The following ZNF831 variants were observed in gnomAD, a reference collection of about 807,000 sequenced individuals.
ZNF831 encodes zinc finger protein 831.
A neutral mutation model predicts 95.8 loss-of-function variants in ZNF831; 59 were observed. The ratio of observed to expected loss-of-function variants is 0.62; its 90% CI spans 0.50 to 0.77. The LOEUF (loss-of-function observed/expected upper bound fraction) is 0.77, where lower values mean the gene tolerates loss of function less well. Ranked by LOEUF, ZNF831 falls within the 30% of genes least tolerant of loss-of-function variation. ZNF831 has a pLI of 0.00. For synonymous variants in ZNF831, 961 were observed against 925.5 expected, an observed-to-expected ratio of 1.04 and a Z score of -0.70; for missense variants, 2,205 against 2,164.0, an observed-to-expected ratio of 1.02 and a Z score of -0.38.
intron 4 of ZNF831, among the ~76,000 whole-genome samples, chr20:59,228,243 C>T (rs1166644442): frequency 2.6e-5 from 4 of 152,070 alleles, no homozygotes; most frequent in Non-Finnish European, 4.4e-5. Context: ...CTCTGAGTCA[C>T]CTAGGTATTG....
chr20:59,136,228 C>A (rs906897194), intron 1 of ZNF831, among the ~76,000 whole-genome samples: 80 of 152,180 alleles, frequency 5.3e-4, no homozygotes, highest in African/African-American at 1.9e-3. Flanking sequence ...TCCCCTCCTG[C>A]CTCATCTCCT....
rs1331120497 is a variant in ZNF831, at chr20:59,257,740, C to A, written c.*2997C>A. ...TTTCCCAGTGTTAATTTTATTATAT[C>A]TTTAGGTAAGGGTCTTAACCAACTG... On this transcript the variant is annotated 3_prime_UTR_variant, in exon 6 of 6. Transcript: ENST00000371030. The A allele has an allele frequency of 6.6e-6, 1 of 152,150 alleles. No homozygotes were observed. Among genetic ancestry groups the A allele is most frequent in the Non-Finnish European group, 1.5e-5 (1 of 68,032 alleles). 9.4% of individuals were successfully genotyped at this position (152,150 alleles called of 1,614,324 possible).
chr20:59,156,743 T>C (rs1319497503), intron 2 of ZNF831, among the ~76,000 whole-genome samples: 6 of 152,156 alleles, frequency 3.9e-5, no homozygotes, highest in Admixed American at 6.5e-5. Flanking sequence ...AGATTCCACA[T>C]AGAAGTGACA....
Position 59,191,727 on chromosome 20 carries a change from G to T in ZNF831, c.708G>T (p.Gly236=). The part of the protein sequence containing the change: ...PEGRGESRCQ[G]MHEGASERPL... ...GCAGGGGCGAGAGCAGGTGCCAGGGGATGCACGAAGGCGCCTCGGAGAGAC... is the reference window on the plus strand; with the variant it reads ...GCAGGGGCGAGAGCAGGTGCCAGGGTATGCACGAAGGCGCCTCGGAGAGAC... Residue 236 remains glycine (G), a synonymous_variant, in exon 2 of 6, where the codon GGG becomes GGT. Transcript: ENST00000371030. 3 of 1,584,774 alleles carry T rather than the reference G, an allele frequency of 1.9e-6. No individual in the cohort carries two copies. Among genetic ancestry groups the T allele is most frequent in the Non-Finnish European group, 2.6e-6 (3 of 1,164,428 alleles).
At chr20:59,163,731 T>C (rs1981030282), upstream of ZNF831, among the ~76,000 whole-genome samples, 1 of 150,708 alleles carries the variant, frequency 6.6e-6, no homozygotes. Context: ...TTTTTTTTCG[T>C]GTCTGCTTCT....
At chr20:59,210,912 A>C (rs1297335479) in intron 4 of ZNF831, among the ~76,000 whole-genome samples, 1 of 80,024 alleles carries the variant, frequency 1.2e-5, no homozygotes, top group Non-Finnish European at 2.3e-5. Flanking sequence ...GGGCGCCTGT[A>C]GTCCCAGCTA....
chr20:59,150,268 C>T (rs983633024), intron 2 of ZNF831, among the ~76,000 whole-genome samples: 1 of 152,164 alleles, frequency 6.6e-6, no homozygotes, highest in Non-Finnish European at 1.5e-5. Flanking sequence ...GGAAGCTGCA[C>T]ATTTAGGAAA....
chr20:59,145,755 C>T (rs1251710834), intron 1 of ZNF831, among the ~76,000 whole-genome samples: 3 of 152,180 alleles, frequency 2.0e-5, no homozygotes, highest in Admixed American at 1.3e-4. Context: ...ACTGGACATT[C>T]CCAAAGCTGG....
chr20:59,127,751 T>G (rs771033236), intron 1 of ZNF831, among the ~76,000 whole-genome samples: 6 of 152,236 alleles, frequency 3.9e-5, no homozygotes, highest in Non-Finnish European at 8.8e-5. Context: ...GTTGTTTTGG[T>G]TCCTGTAGCA....
intron 3 of ZNF831, among the ~76,000 whole-genome samples, chr20:59,204,404 C>G (rs1984736162): frequency 6.6e-6 from 1 of 152,208 alleles, no homozygotes; most frequent in Non-Finnish European, 1.5e-5. Flanking sequence ...CATGTGACCC[C>G]CACCACATGT....
intron 1 of ZNF831, among the ~76,000 whole-genome samples, chr20:59,184,713 T>G (rs999532620): frequency 6.6e-6 from 1 of 152,198 alleles, no homozygotes; most frequent in Non-Finnish European, 1.5e-5. Context: ...TCCAATATGC[T>G]TCTCCATGGC....
intron 1 of ZNF831, among the ~76,000 whole-genome samples, chr20:59,168,847 T>C (rs1601325348): frequency 6.6e-6 from 1 of 152,236 alleles, no homozygotes. Context: ...GATATAATTA[T>C]GTGATTTTTC....
At position 59,149,292 on chromosome 20, in the gene ZNF831, A is replaced by T. The variant is rs188732053; in HGVS notation, c.-1281+2918A>T. ...CTGATAAGCCAGACGAGATGAAGGG[A>T]TGTTAATCCTTGGGCCCAGTCTCAA... On this transcript the variant is annotated intron_variant, in intron 2 of 7. Coordinates refer to the ZNF831 transcript ENST00000637017. Among the ~76,000 whole-genome samples, 200 of 152,242 alleles carry T rather than the reference A, an allele frequency of 1.3e-3. 1 individual carries two copies. The highest frequency in any genetic ancestry group is 4.6e-3 in the African/African-American group (193 of 41,526).
chr20:59,160,389 G>C (rs192591238), upstream of ZNF831: 1 of 152,276 alleles, frequency 6.6e-6, no homozygotes, highest in Non-Finnish European at 1.5e-5. Flanking sequence ...AGCCCAGGGG[G>C]CTTGTCTCAT....
chr20:59,249,208 TATATA>T (rs1440814623), intron 4 of ZNF831, among the ~76,000 whole-genome samples: 2 of 152,246 alleles, frequency 1.3e-5, no homozygotes, highest in Non-Finnish European at 2.9e-5. Context: ...CTTCCTTGAC[TATATA>T]AAACAGTCCT....
rs1173513312 is a variant in ZNF831 at position 59,208,392 on chromosome 20, G to A, written c.4027+1336G>A. ...CCCCATGCAAAGGCCAGGGGACCAT[G>A]CAACTCTCTGCTTTCTCGTTGGGCC... is the stretch of plus-strand genomic sequence containing the variant. On this transcript the variant is annotated intron_variant, in intron 4 of 5. Coordinates refer to ENST00000371030, the MANE Select transcript of ZNF831 (RefSeq NM_178457.3). This position sits in a 1 kb window ranked among gnomAD's most constrained non-coding sequence, Gnocchi z 4.2. Among the ~76,000 whole-genome samples, 2 of 152,172 alleles carry A rather than the reference G, an allele frequency of 1.3e-5. No individual in the cohort carries two copies. The highest frequency in any genetic ancestry group is 4.8e-5 in the African/African-American group (2 of 41,444).
chr20:59,205,844 G>T (rs753359168), intron 3 of ZNF831, among the ~76,000 whole-genome samples: 5 of 152,180 alleles, frequency 3.3e-5, no homozygotes, highest in Non-Finnish European at 7.3e-5. Flanking sequence ...TATAATGGGG[G>T]TGCTATACTA....
At chr20:59,155,805 G>A (rs964874955) in intron 2 of ZNF831, among the ~76,000 whole-genome samples, 1 of 152,192 alleles carries the variant, frequency 6.6e-6, no homozygotes, top group Non-Finnish European at 1.5e-5. Flanking sequence ...GACCCTGAGT[G>A]AAAGGAACAA....
intron 5 of ZNF831, among the ~76,000 whole-genome samples, 168 bp from the exon 6 acceptor site, chr20:59,253,730 G>T (rs144134342): frequency 1.3e-5 from 2 of 152,238 alleles, no homozygotes; most frequent in African/African-American, 4.8e-5. Context: ...GCACCAATTA[G>T]TTATTAATGG....
Sources: allele counts gnomAD v4.1 joint callset (sites outside exome capture counted in the v4.1 genomes callset), GRCh38; gene constraint gnomAD v4.1.1; non-coding constraint Gnocchi (gnomAD v3.1); transcripts MANE v1.5; gene names NCBI Gene and HGNC (gene_info 2026-07-23, HGNC 2026-07-21).